The following TSC22D1 variants were observed in gnomAD, a reference collection of about 807,000 sequenced individuals.
The protein encoded by TSC22D1 is TSC22 domain family member 1.
In TSC22D1, 9 loss-of-function variants were observed where a neutral mutation model predicts 74.2. The observed-to-expected ratio is 0.12, with a 90% CI of 0.07 to 0.21. The LOEUF is 0.21. Among genes scored for constraint, TSC22D1 ranks in the 10% least tolerant of loss-of-function variants. The pLI, the probability that TSC22D1 is intolerant of heterozygous loss-of-function variation, is 1.00. For missense variants in TSC22D1, 1,427 were observed against 1,304.7 expected (o/e 1.09, Z -1.44); for synonymous variants, 586 against 492.5 (o/e 1.19, Z -2.51).
At chr13:44,528,027 T>C (rs1017483146) in intron 1 of TSC22D1, among the ~76,000 whole-genome samples, 6 of 151,994 alleles carry the variant, frequency 3.9e-5, no homozygotes, top group South Asian at 2.1e-4. Flanking sequence ...TGCCTAGCAA[T>C]AGAGCATCAA....
intron 1 of TSC22D1, among the ~76,000 whole-genome samples, chr13:44,485,555 G>A (rs1180548976): frequency 6.6e-6 from 1 of 152,074 alleles, no homozygotes; most frequent in African/African-American, 2.4e-5. Context: ...GAGAACAGAT[G>A]CCTAGAATAA....
chr13:44,576,207 T>G lies in TSC22D1; in HGVS notation c.-133A>C. On this transcript the variant is annotated 5_prime_UTR_variant, in exon 1 of 3. Transcript: ENST00000458659. ...GCGCGATTCCTCCTTCTCCTCCTCC[T>G]CAGCCAAAGGCGCCGGTCGCTCCTG... The G allele has an allele frequency of 7.6e-7, 1 of 1,308,230 alleles. No homozygotes were observed. The highest frequency in any genetic ancestry group is 1.0e-6 in the Non-Finnish European group (1 of 988,136). 81.0% of individuals were successfully genotyped at this position (1,308,230 alleles called of 1,614,324 possible).
chr13:44,474,298 G>C, intron 1 of TSC22D1: 2 of 985,258 alleles, frequency 2.0e-6, no homozygotes, highest in African/African-American at 3.5e-5. Flanking sequence ...TCCCACCCAG[G>C]CCCAACTGAC....
intron 1 of TSC22D1, among the ~76,000 whole-genome samples, chr13:44,462,596 C>G (rs1336120775): frequency 6.6e-6 from 1 of 152,044 alleles, no homozygotes; most frequent in African/African-American, 2.4e-5. Flanking sequence ...AATTACAGCA[C>G]AAAAATCTAA....
At chr13:44,543,351 A>C (rs1881598923) in intron 1 of TSC22D1, among the ~76,000 whole-genome samples, 2 of 152,236 alleles carry the variant, frequency 1.3e-5, no homozygotes, top group African/African-American at 4.8e-5. Context: ...TGTTTCTACA[A>C]AGACTGATTT....
chr13:44,512,407 G>A (rs1040631937), intron 1 of TSC22D1, among the ~76,000 whole-genome samples: 1 of 151,908 alleles, frequency 6.6e-6, no homozygotes, highest in African/African-American at 2.4e-5. Context: ...CTGACCTCGT[G>A]ATCCGCCCGC....
At chr13:44,564,568 C>T (rs1883248076) in intron 1 of TSC22D1, among the ~76,000 whole-genome samples, 1 of 152,118 alleles carries the variant, frequency 6.6e-6, no homozygotes, top group South Asian at 2.1e-4. Context: ...GAAAAACTTT[C>T]TGAAAGGTCA....
intron 1 of TSC22D1, among the ~76,000 whole-genome samples, chr13:44,529,456 A>C (rs1020959597): frequency 6.6e-6 from 1 of 152,102 alleles, no homozygotes; most frequent in South Asian, 2.1e-4. Flanking sequence ...AAAAACCTAC[A>C]GTGAACATCT....
At chr13:44,497,419 G>C (rs1032188319) in intron 1 of TSC22D1, among the ~76,000 whole-genome samples, 1 of 152,246 alleles carries the variant, frequency 6.6e-6, no homozygotes, top group East Asian at 1.9e-4. Flanking sequence ...ACTTTCTTTT[G>C]GGGTGATGAA....
At chr13:44,551,308 G>A (rs920404417) in intron 1 of TSC22D1, among the ~76,000 whole-genome samples, 10 of 107,386 alleles carry the variant, frequency 9.3e-5, no homozygotes, top group African/African-American at 3.7e-4. Context: ...CAATCAGCTG[G>A]GGGTGTGTGT....
chr13:44,539,697 G>T, intron 1 of TSC22D1: 1 of 1,189,684 alleles, frequency 8.4e-7, no homozygotes, highest in Non-Finnish European at 1.1e-6. Flanking sequence ...GTTTACCACA[G>T]AATTAAATGG....
At chr13:44,467,452 C>G (rs866774198) in intron 1 of TSC22D1, among the ~76,000 whole-genome samples, 68 of 151,978 alleles carry the variant, frequency 4.5e-4, no homozygotes, top group Middle Eastern at 3.2e-3. Flanking sequence ...ACAGAGTAAA[C>G]AGACAAACTA....
intron 1 of TSC22D1, among the ~76,000 whole-genome samples, chr13:44,473,049 T>C (rs993504438): frequency 1.3e-5 from 2 of 152,238 alleles, no homozygotes; most frequent in East Asian, 3.9e-4. Context: ...AGAGAGCTTG[T>C]GCAGGGGAAT....
At chr13:44,445,508 GA>G (rs928822743) in intron 1 of TSC22D1, among the ~76,000 whole-genome samples, 2 of 151,702 alleles carry the variant, frequency 1.3e-5, no homozygotes, top group African/African-American at 2.4e-5. Flanking sequence ...ATCCATGGAA[GA>G]AAAAAAATTG....
Position 44,574,090 on chromosome 13 carries a change from A to G in TSC22D1, c.1985T>C (p.Ile662Thr). 1 of 1,614,248 alleles carries G rather than the reference A, an allele frequency of 6.2e-7. No homozygotes were observed. Among genetic ancestry groups the G allele is most frequent in the Non-Finnish European group, 8.5e-7 (1 of 1,180,050 alleles). ...TCCGGAGGACATTGCTGTTTGAAGA[A>G]TTGGCTGCTGTTGTACATACTCTGA... ...PASEYVQQQPILQTAMSSGQP... is the reference protein window; with the variant it reads ...PASEYVQQQPTLQTAMSSGQP... The change falls in exon 1 of 3, where the codon ATT (isoleucine) becomes ACT (threonine). Residue 662 changes from isoleucine (I) to threonine (T), a missense_variant. This residue lies in a region of TSC22D1 where 1,343 missense variants were observed against 1,191.5 expected (regional missense o/e 1.13). Transcript: ENST00000458659.
chr13:44,576,751 C>T (rs1240644423), upstream of TSC22D1, among the ~76,000 whole-genome samples: 1 of 151,272 alleles, frequency 6.6e-6, no homozygotes, highest in Non-Finnish European at 1.5e-5. Flanking sequence ...GGGGCGGCGG[C>T]GAGGCGCCCG....
intron 1 of TSC22D1, among the ~76,000 whole-genome samples, chr13:44,564,968 GA>G (rs1323103256): frequency 6.6e-6 from 1 of 152,194 alleles, no homozygotes; most frequent in East Asian, 1.9e-4. Flanking sequence ...ACTGCATTAA[GA>G]AATTATATTT....
At chr13:44,507,901 C>G (rs1348453409) in intron 1 of TSC22D1, among the ~76,000 whole-genome samples, 2 of 152,174 alleles carry the variant, frequency 1.3e-5, no homozygotes, top group Non-Finnish European at 2.9e-5. Context: ...AAAGAGGGAT[C>G]CTTCCTGAGC....
rs1469828066 is a variant in TSC22D1 at position 44,502,085 on chromosome 13, C to T, written c.2913-65990G>A. On this transcript the variant is annotated intron_variant, in intron 1 of 2. Coordinates refer to ENST00000458659, the MANE Select transcript of TSC22D1 (RefSeq NM_183422.4). ...CTCTTATGTGCACTCTCTCTCCTAT[C>T]GTTTCAATATATTTGTAAATTTTGA... Among the ~76,000 whole-genome samples the T allele has an allele frequency of 5.3e-5, 8 of 152,236 alleles. No homozygotes were observed. The South Asian group carries it at 1.5e-3, about 28-fold the overall frequency.
Sources: allele counts gnomAD v4.1 joint callset (sites outside exome capture counted in the v4.1 genomes callset), GRCh38; gene constraint gnomAD v4.1.1; regional missense constraint gnomAD v4.1.1; transcripts MANE v1.5; gene names NCBI Gene and HGNC (gene_info 2026-07-23, HGNC 2026-07-21).